Variants in SV2C observed in about 807,000 individuals in gnomAD.
SV2C encodes synaptic vesicle glycoprotein 2C.
Under a neutral mutation model 79.7 loss-of-function variants are expected in SV2C, and 49 were observed. That is an observed-to-expected ratio of 0.61 (90% CI 0.49 to 0.78). The LOEUF (loss-of-function observed/expected upper bound fraction) is 0.78. Among genes scored for constraint, SV2C ranks in the 30% least tolerant of loss-of-function variants. The probability of loss-of-function intolerance (pLI) is 0.00; values close to 1 mark genes in which losing one functional copy is unlikely to be tolerated. For missense variants in SV2C, 833 were observed against 912.9 expected (o/e 0.91, Z 1.13); for synonymous variants, 334 against 333.2 (o/e 1.00, Z -0.03).
chr5:76,134,977 C>T (rs1488041087), intron 2 of SV2C, among the ~76,000 whole-genome samples: 1 of 152,122 alleles, frequency 6.6e-6, no homozygotes, highest in Non-Finnish European at 1.5e-5. Context: ...AGTAGATTAC[C>T]AGTCTAGATA....
In SV2C at chr5:76,330,887, C is replaced by T. The variant is rs1390937545; in HGVS notation, c.*5340C>T. ...GGCGGGGGGGCGGGGGACGGAGTCT[C>T]GCTCTATTACTTAGGCCGGAGTGCA... On this transcript the variant is annotated 3_prime_UTR_variant, in exon 13 of 13. Transcript: ENST00000502798. 1 of 149,200 alleles carries T rather than the reference C, an allele frequency of 6.7e-6. No individual in the cohort carries two copies. Among genetic ancestry groups the T allele is most frequent in the Non-Finnish European group, 1.5e-5 (1 of 67,540 alleles). The allele number at this position is 149,200 out of a possible 1,614,324, so 9.2% of individuals were successfully genotyped here.
chr5:75,967,212 G>A, the SV2C span, among the ~76,000 whole-genome samples: 1 of 152,102 alleles, frequency 6.6e-6, no homozygotes, highest in Non-Finnish European at 1.5e-5. Flanking sequence ...GTGGAGCCAA[G>A]ATGGCTGAAT....
At chr5:76,188,424 C>T (rs1743987758) in intron 2 of SV2C, among the ~76,000 whole-genome samples, 1 of 152,118 alleles carries the variant, frequency 6.6e-6, no homozygotes, top group Non-Finnish European at 1.5e-5. Flanking sequence ...TTAAGTAACT[C>T]TAGGTCACAC....
chr5:76,329,791 G>A lies in SV2C; in HGVS notation c.*4244G>A, dbSNP rs937587168. On this transcript the variant is annotated 3_prime_UTR_variant, in exon 13 of 13. Coordinates refer to ENST00000502798, the MANE Select transcript of SV2C (RefSeq NM_014979.4). ...ATACCTGATCTGTTCATGCACTAAA[G>A]GCTCTGGAGCCAGGAATGTCTGAAT... 5.9e-5 allele frequency: 9 copies of A among 152,124 alleles called. No homozygotes were observed. Among genetic ancestry groups the A allele is most frequent in the African/African-American group, 1.9e-4 (8 of 41,426 alleles). The allele number at this position is 152,124 out of a possible 1,614,324, so 9.4% of individuals were successfully genotyped here. A position where few individuals can be genotyped will look rare whatever the true frequency, so the allele number is the denominator to read the frequency against.
chr5:75,992,416 TTA>T, the SV2C span, among the ~76,000 whole-genome samples: 1 of 152,048 alleles, frequency 6.6e-6, no homozygotes, highest in East Asian at 1.9e-4. Context: ...CTGTCATAGT[TTA>T]GTTAATATCA....
chr5:76,301,619 C>T (rs1748004548), intron 12 of SV2C, 74 bp downstream of exon 12: 5 of 1,527,256 alleles, frequency 3.3e-6, no homozygotes, highest in Non-Finnish European at 4.4e-6. Flanking sequence ...TTTAAAACAA[C>T]CCAAACTGGC....
chr5:75,894,571 A>C, the SV2C span, among the ~76,000 whole-genome samples: 10 of 152,062 alleles, frequency 6.6e-5, no homozygotes, highest in East Asian at 1.9e-3. Flanking sequence ...TGGTGGTTTC[A>C]TGGAAGGCCC....
At chr5:76,231,772 A>C (rs2112400424) in intron 4 of SV2C, among the ~76,000 whole-genome samples, 1 of 145,396 alleles carries the variant, frequency 6.9e-6, no homozygotes, top group African/African-American at 2.9e-5. Context: ...TGAACTCATC[A>C]TTTTTTATGG....
rs1748899332 is a variant in SV2C, at chr5:76,131,782, T to C, written c.32T>C (p.Leu11Pro). Residue 11 changes from leucine to proline, a missense_variant, in exon 2 of 13, where the codon CTG becomes CCG. Leu to Pro is a moderately conservative substitution (Grantham distance 98). Coordinates refer to ENST00000502798, the MANE Select transcript of SV2C (RefSeq NM_014979.4). ...GACTCTTACAAGGATAGGACTTCAC[T>C]GATGAAGGGTGCCAAGGACATTGCC... MEDSYKDRTS[L>P]MKGAKDIARE... 6.2e-7 allele frequency: 1 copy of C among 1,613,402 alleles called. No homozygotes were observed.
the SV2C span, among the ~76,000 whole-genome samples, chr5:76,060,484 C>A: frequency 6.6e-6 from 1 of 152,070 alleles, no homozygotes; most frequent in Non-Finnish European, 1.5e-5. Flanking sequence ...AATTATGGAA[C>A]CAGCTTCTTA....
At chr5:76,210,391 T>G (rs1744735250) in intron 4 of SV2C, among the ~76,000 whole-genome samples, 1 of 152,154 alleles carries the variant, frequency 6.6e-6, no homozygotes, top group Admixed American at 6.5e-5. Flanking sequence ...GTTTGATCAT[T>G]TGCTAGAATG....
intron 2 of SV2C, among the ~76,000 whole-genome samples, chr5:76,184,256 C>T (rs1218194189): frequency 6.6e-6 from 1 of 152,192 alleles, no homozygotes; most frequent in Non-Finnish European, 1.5e-5. Flanking sequence ...CTGCACTAGG[C>T]TGTGATCTCC....
At chr5:76,045,118 A>G in the SV2C span, among the ~76,000 whole-genome samples, 2 of 152,222 alleles carry the variant, frequency 1.3e-5, no homozygotes, top group East Asian at 1.9e-4. Flanking sequence ...TCCAGTTTCA[A>G]TTTTCAGCGT....
the SV2C span, among the ~76,000 whole-genome samples, chr5:75,944,280 G>A: frequency 6.6e-6 from 1 of 152,150 alleles, no homozygotes; most frequent in African/African-American, 2.4e-5. Context: ...CTTTATGAAT[G>A]TAGCATAACT....
At chr5:76,021,962 T>C in the SV2C span, among the ~76,000 whole-genome samples, 1 of 152,190 alleles carries the variant, frequency 6.6e-6, no homozygotes. Context: ...TAAACTATTC[T>C]TGGATCATTT....
chr5:76,234,091 T>C (rs902761158), intron 4 of SV2C, among the ~76,000 whole-genome samples: 3 of 152,234 alleles, frequency 2.0e-5, no homozygotes, highest in Admixed American at 6.5e-5. Flanking sequence ...TAATATGTCA[T>C]GGATTTTTAT....
At chr5:76,080,672 C>G (rs551477682), upstream of SV2C, among the ~76,000 whole-genome samples, 2 of 152,224 alleles carry the variant, frequency 1.3e-5, no homozygotes, top group South Asian at 2.1e-4. Context: ...GTGTCTTTCA[C>G]AGCTTGTTTT....
chr5:75,984,844 A>T, the SV2C span, among the ~76,000 whole-genome samples: 2 of 151,966 alleles, frequency 1.3e-5, no homozygotes, highest in Non-Finnish European at 2.9e-5. Flanking sequence ...GCAGGTTTTC[A>T]ATTGATTGAA....
the SV2C span, among the ~76,000 whole-genome samples, chr5:75,952,584 A>G: frequency 6.6e-6 from 1 of 151,650 alleles, no homozygotes; most frequent in Non-Finnish European, 1.5e-5. Flanking sequence ...GTGGGTTCTC[A>G]CTCAGTTAGT....
Sources: allele counts gnomAD v4.1 joint callset (sites outside exome capture counted in the v4.1 genomes callset), GRCh38; gene constraint gnomAD v4.1.1; transcripts MANE v1.5; gene names NCBI Gene and HGNC (gene_info 2026-07-23, HGNC 2026-07-21).